The following TANK variants were observed in gnomAD, a reference collection of about 807,000 sequenced individuals.
The protein encoded by TANK is TRAF family member associated NFKB activator, also known as TRAF family member-associated NF-kappa-B activator.
A neutral mutation model predicts 43.6 loss-of-function variants in TANK; 15 were observed. That is an observed-to-expected ratio of 0.34 (90% CI 0.23 to 0.53). TANK has a LOEUF of 0.53. TANK is among the 20% of genes least tolerant of loss of function. The pLI, the probability that TANK is intolerant of heterozygous loss-of-function variation, is 0.94. For synonymous variants in TANK, 162 were observed against 178.2 expected, an observed-to-expected ratio of 0.91 and a Z score of 0.73; for missense variants, 417 against 498.6, an observed-to-expected ratio of 0.84 and a Z score of 1.56.
rs540980538 is a variant in TANK, at chr2:161,181,930, A to T, written c.99+2169A>T. On this transcript the variant is annotated intron_variant, in intron 2 of 7. Transcript: ENST00000392749. ...GTTGGTTTTCCCAATTAAAAAAAAA[A>T]ATTACTAGCCTGTGAAACTCTGAAG... Among the ~76,000 whole-genome samples the T allele has an allele frequency of 5.1e-3, 783 of 152,272 alleles. 7 individuals are homozygous for T. Among genetic ancestry groups the T allele is most frequent in the African/African-American group, 0.017 (724 of 41,532 alleles).
At chr2:161,211,861 G>A (rs1558998847) in intron 4 of TANK, 1 of 985,202 alleles carries the variant, frequency 1.0e-6, no homozygotes. Context: ...CAAAGCAAAT[G>A]TACCGCTTCT....
At chr2:161,182,967 C>T (rs1685496473) in intron 2 of TANK, among the ~76,000 whole-genome samples, 1 of 152,084 alleles carries the variant, frequency 6.6e-6, no homozygotes, top group Admixed American at 6.6e-5. Context: ...GCTTCCAAGG[C>T]CTGAAGCACC....
rs1686510055 is a variant in TANK at position 161,203,479 on chromosome 2, G to A, written c.100-8G>A. 2 of 1,597,990 alleles carry A rather than the reference G, an allele frequency of 1.3e-6. No homozygotes were observed. The highest frequency in any genetic ancestry group is 1.7e-6 in the Non-Finnish European group (2 of 1,171,048). ...GAATATCAGGCTAACTGGTTTTTAT[G>A]TCAGCAGACTGAGAACTATGAGCAG... is the stretch of plus-strand genomic sequence containing the variant. On this transcript the variant is annotated splice_polypyrimidine_tract_variant and splice_region_variant and intron_variant, in intron 2 of 7. Coordinates refer to ENST00000392749, the MANE Select transcript of TANK (RefSeq NM_001199135.3).
At chr2:161,146,888 A>G (rs1683925554) in intron 1 of TANK, among the ~76,000 whole-genome samples, 1 of 152,106 alleles carries the variant, frequency 6.6e-6, no homozygotes, top group South Asian at 2.1e-4. Context: ...GAACCCACTC[A>G]TCTGGGCTGC....
At chr2:161,205,092 A>G (rs967219889) in intron 4 of TANK, 37 of 562,424 alleles carry the variant, frequency 6.6e-5, no homozygotes, top group Non-Finnish European at 7.4e-5. Flanking sequence ...TGGGAGGCCA[A>G]GGAGGGAGGA....
upstream of TANK, among the ~76,000 whole-genome samples, chr2:161,158,759 A>C (rs182564537): frequency 6.6e-6 from 1 of 152,242 alleles, no homozygotes; most frequent in Non-Finnish European, 1.5e-5. Flanking sequence ...CAAGAGAGTA[A>C]AAAGACAAGC....
chr2:161,157,329 C>T (rs531896888), upstream of TANK, among the ~76,000 whole-genome samples: 2 of 152,316 alleles, frequency 1.3e-5, no homozygotes, highest in East Asian at 3.9e-4. Context: ...AAAAGCACCT[C>T]TCTGAGAAGA....
intron 6 of TANK, 138 bp from the exon 7 acceptor site, chr2:161,230,833 A>C: frequency 2.8e-6 from 2 of 701,804 alleles, no homozygotes; most frequent in Non-Finnish European, 4.8e-6. Context: ...GATGGTAGCA[A>C]ATTTTAAAAT....
chr2:161,198,398 C>T (rs930816845), intron 2 of TANK, among the ~76,000 whole-genome samples: 1 of 152,204 alleles, frequency 6.6e-6, no homozygotes, highest in Non-Finnish European at 1.5e-5. Context: ...GGCTGCATTT[C>T]TTGTGTGTTG....
chr2:161,160,103 T>C (rs954547139), upstream of TANK: 1 of 272,534 alleles, frequency 3.7e-6, no homozygotes, highest in Non-Finnish European at 6.9e-6. Context: ...TATAGGGTGA[T>C]GTTATTTATT....
At chr2:161,147,126 G>A (rs1171746583) in intron 1 of TANK, among the ~76,000 whole-genome samples, 1 of 152,038 alleles carries the variant, frequency 6.6e-6, no homozygotes, top group Admixed American at 6.5e-5. Context: ...TGGTGTGTTG[G>A]GGTGGGGGTG....
chr2:161,202,086 G>A (rs1686439667), intron 2 of TANK, among the ~76,000 whole-genome samples: 1 of 151,456 alleles, frequency 6.6e-6, no homozygotes, highest in Non-Finnish European at 1.5e-5. Context: ...TACCACATGG[G>A]TTGCTTATCA....
At chr2:161,225,778 T>C (rs892330627) in intron 6 of TANK, among the ~76,000 whole-genome samples, 1 of 152,218 alleles carries the variant, frequency 6.6e-6, no homozygotes, top group Non-Finnish European at 1.5e-5. Context: ...TTCTTGCAGC[T>C]CTTACATCTA....
At chr2:161,193,870 G>A (rs551352188) in intron 2 of TANK, among the ~76,000 whole-genome samples, 1 of 152,320 alleles carries the variant, frequency 6.6e-6, no homozygotes, top group East Asian at 1.9e-4. Context: ...GGGTGACCAT[G>A]TGCCGTGTTA....
chr2:161,208,135 C>T, intron 4 of TANK: 1 of 982,234 alleles, frequency 1.0e-6, no homozygotes. Context: ...TTTGTTTTGT[C>T]AGGATGTTTG....
chr2:161,164,690 CA>C lies in TANK; in HGVS notation c.-50+4205del, dbSNP rs375892900. On this transcript the variant is annotated intron_variant, in intron 1 of 7. Coordinates refer to ENST00000392749, the MANE Select transcript of TANK (RefSeq NM_001199135.3). ...TTTGGGACTTATGTAGTACATGTGT[CA>C]CATTTTCCAATTCCTAATCTATAAA... Among the ~76,000 whole-genome samples the C allele has an allele frequency of 1.9e-3, 286 of 152,292 alleles. 1 individual carries two copies. Among genetic ancestry groups the C allele is most frequent in the African/African-American group, 6.5e-3 (272 of 41,572 alleles).
At chr2:161,194,782 T>TA (rs977954373) in intron 2 of TANK, among the ~76,000 whole-genome samples, 30 of 152,162 alleles carry the variant, frequency 2.0e-4, no homozygotes, top group South Asian at 6.2e-4. Context: ...GGTACTGTGT[T>TA]AAAAAAAATC....
intron 1 of TANK, among the ~76,000 whole-genome samples, chr2:161,168,722 A>G (rs1046400245): frequency 5.9e-5 from 9 of 152,180 alleles, no homozygotes; most frequent in Non-Finnish European, 1.0e-4. Flanking sequence ...AATCCCAGCT[A>G]CTGGGGAGGC....
intron 2 of TANK, 114 bp downstream of exon 2, chr2:161,179,875 C>A: frequency 7.2e-7 from 1 of 1,383,324 alleles, no homozygotes; most frequent in Middle Eastern, 1.9e-4. Context: ...ACTATAATTA[C>A]AGAAATGCAG....
Sources: allele counts gnomAD v4.1 joint callset (sites outside exome capture counted in the v4.1 genomes callset), GRCh38; gene constraint gnomAD v4.1.1; transcripts MANE v1.5; gene names NCBI Gene and HGNC (gene_info 2026-07-23, HGNC 2026-07-21).